The following NLRC4 variants were observed in gnomAD, a reference collection of about 807,000 sequenced individuals.
NLRC4 encodes the protein NLR family CARD domain containing 4.
In NLRC4, 63 loss-of-function variants were observed where a neutral mutation model predicts 79.9. That is an observed-to-expected ratio of 0.79 (90% CI 0.64 to 0.97). NLRC4 has a LOEUF of 0.97. Ranked by LOEUF, NLRC4 falls within the 50% of genes least tolerant of loss-of-function variation. NLRC4 has a pLI of 0.00. For synonymous variants in NLRC4, 461 were observed against 456.5 expected (o/e 1.01, Z -0.12); for missense variants, 1,074 against 1,215.2 (o/e 0.88, Z 1.73).
At chr2:32,254,296 T>C (rs1687153569) in intron 2 of NLRC4, among the ~76,000 whole-genome samples, 2 of 152,036 alleles carry the variant, frequency 1.3e-5, no homozygotes, top group Non-Finnish European at 2.9e-5. Flanking sequence ...CAATATATGT[T>C]AGCTACTATT....
intron 4 of NLRC4, among the ~76,000 whole-genome samples, chr2:32,247,914 C>A (rs987844655): frequency 6.7e-6 from 1 of 150,246 alleles, no homozygotes; most frequent in African/African-American, 2.5e-5. Flanking sequence ...AACTCAGAAA[C>A]AGAAAATCAA....
In NLRC4 at chr2:32,252,460, T is replaced by C. The variant is rs1426433626; in HGVS notation, c.221A>G (p.Lys74Arg). The C allele has an allele frequency of 6.2e-7, 1 of 1,611,068 alleles. No individual in the cohort carries two copies. The highest frequency in any genetic ancestry group is 8.5e-7 in the Non-Finnish European group (1 of 1,177,268). Residue 74 changes from lysine to arginine, a missense_variant, in exon 3 of 9, where the codon AAG becomes AGG. Transcript: ENST00000402280. ...CTGAAATAGAGGATAGTTCCACTCC[T>C]TAAGGGATTTAAGAAAGAGGTTACA... ...ESCNLFLKSL[K>R]EWNYPLFQDL...
At chr2:32,244,210 A>G (rs1686876437) in intron 4 of NLRC4, among the ~76,000 whole-genome samples, 1 of 152,180 alleles carries the variant, frequency 6.6e-6, no homozygotes, top group South Asian at 2.1e-4. Context: ...TGATCACGCC[A>G]CTGCACTCCA....
chr2:32,250,797 G>A lies in NLRC4; in HGVS notation c.1067C>T (p.Ser356Phe). The change falls in exon 4 of 9, where the codon TCT (serine) becomes TTT (phenylalanine). Residue 356 changes from serine to phenylalanine, a missense_variant. Coordinates refer to ENST00000402280, the MANE Select transcript of NLRC4 (RefSeq NM_001199138.2). The surrounding 1 kb of genome is among the most constrained non-coding windows in gnomAD (Gnocchi z 4.9). The part of the protein sequence containing the change: ...AIQMGESEFH[S>F]HTQTTLFHTF... ...ATGGAACAGCGTTGTTTGTGTGTGA[G>A]AGTGGAACTCACTTTCACCCATCTG... 6.2e-7 allele frequency: 1 copy of A among 1,613,954 alleles called. No homozygotes were observed.
At position 32,251,422 on chromosome 2, in the gene NLRC4, G is replaced by A. The variant is rs774744413; in HGVS notation, c.442C>T (p.Arg148Cys). The A allele has an allele frequency of 2.5e-6, 4 of 1,614,106 alleles. No homozygotes were observed. In the Admixed American group the frequency reaches 5.0e-5, roughly 20 times the overall value. Residue 148 changes from arginine (R) to cysteine (C), a missense_variant, in exon 4 of 9, where the codon CGC becomes TGC. Transcript: ENST00000402280. ...VLWRKDQHHH[R>C]VEQLTLNGLL... ...CCATTCAGGGTCAGCTGCTCCACGC[G>A]GTGATGGTGTTGGTCCTTCCTCCAC...
chr2:32,249,699 C>T lies in NLRC4; in HGVS notation c.2165G>A (p.Ser722Asn). ...KNIYSLMVEA[S>N]PLTIEDERHI... The stretch of plus-strand genomic sequence containing the variant: ...CCTCTCATCTTCTATGGTGAGGGGA[C>T]TGGCTTCCACCATGAGAGAATAAAT... The change falls in exon 4 of 9, where the codon AGT (serine) becomes AAT (asparagine). Residue 722 changes from serine to asparagine, a missense_variant. Transcript: ENST00000402280. 1 of 1,614,064 alleles carries T rather than the reference C, an allele frequency of 6.2e-7. No homozygotes were observed. The highest frequency in any genetic ancestry group is 8.5e-7 in the Non-Finnish European group (1 of 1,179,918).
chr2:32,260,306 G>T (rs944252689), intron 1 of NLRC4, among the ~76,000 whole-genome samples: 1 of 151,520 alleles, frequency 6.6e-6, no homozygotes, highest in East Asian at 1.9e-4. Flanking sequence ...TCAGATTGGG[G>T]CTATCATAAA....
intron 1 of NLRC4, among the ~76,000 whole-genome samples, chr2:32,260,913 C>T (rs1423032344): frequency 6.6e-6 from 1 of 152,148 alleles, no homozygotes; most frequent in Admixed American, 6.6e-5. Context: ...CATGCATTGG[C>T]TGGGTGCAGT....
At chr2:32,253,299 A>T (rs1471799092) in intron 2 of NLRC4, among the ~76,000 whole-genome samples, 1 of 151,632 alleles carries the variant, frequency 6.6e-6, no homozygotes, top group Non-Finnish European at 1.5e-5. Context: ...ACAGGCACGC[A>T]CCACCACACT....
intron 8 of NLRC4, among the ~76,000 whole-genome samples, chr2:32,233,413 A>G (rs2148932720): frequency 7.1e-6 from 1 of 140,972 alleles, no homozygotes; most frequent in African/African-American, 2.7e-5. Flanking sequence ...GCTGGTTTCA[A>G]ACTTCTGGGC....
intron 8 of NLRC4, 46 bp from the exon 9 acceptor site, chr2:32,224,811 A>T (rs555067193): frequency 7.5e-4 from 812 of 1,077,812 alleles, no homozygotes; most frequent in Middle Eastern, 2.6e-3. Flanking sequence ...AATTTTTTTT[A>T]AAAAAAAAGA....
chr2:32,261,499 A>G (rs1558464213), intron 1 of NLRC4, among the ~76,000 whole-genome samples: 2 of 148,028 alleles, frequency 1.4e-5, no homozygotes, highest in South Asian at 4.3e-4. Flanking sequence ...TTTAGTAGAG[A>G]TGGGGTTTCA....
intron 5 of NLRC4, 143 bp downstream of exon 5, chr2:32,240,890 G>A: frequency 1.7e-6 from 1 of 586,132 alleles, no homozygotes; most frequent in Non-Finnish European, 3.0e-6. Context: ...TGGCAGTAGG[G>A]AAAATGTCTG....
At chr2:32,262,765 G>T (rs930240437) in intron 1 of NLRC4, among the ~76,000 whole-genome samples, 1 of 151,026 alleles carries the variant, frequency 6.6e-6, no homozygotes, top group Non-Finnish European at 1.5e-5. Context: ...GACAGAGAGA[G>T]ACTCTGTCTC....
rs1573480813 is a variant in NLRC4, at chr2:32,241,106, C to T, written c.2277G>A (p.Leu759=). Residue 759 remains leucine, a synonymous_variant, in exon 5 of 9, where the codon TTG becomes TTA. Transcript: ENST00000402280. The part of the protein sequence containing the change: ...QRLPGGLTDS[L]GNLKNLTKLI... ...GCTTTGTAAGGTTCTTCAAGTTACC[C>T]AAGCTGTCAGTCAGACCACCTGTCA... 6.2e-7 allele frequency: 1 copy of T among 1,606,608 alleles called. No homozygotes were observed. Among genetic ancestry groups the T allele is most frequent in the South Asian group, 1.1e-5 (1 of 90,156 alleles).
At chr2:32,245,478 G>A (rs190818839) in intron 4 of NLRC4, among the ~76,000 whole-genome samples, 1 of 152,120 alleles carries the variant, frequency 6.6e-6, no homozygotes, top group East Asian at 1.9e-4. Context: ...AGGCTGGGAA[G>A]GGTAGTAGGG....
At chr2:32,252,972 A>C (rs1435820376) in intron 2 of NLRC4, among the ~76,000 whole-genome samples, 1 of 151,816 alleles carries the variant, frequency 6.6e-6, no homozygotes, top group Non-Finnish European at 1.5e-5. Flanking sequence ...GAGCTGAGAT[A>C]GCGCCACTGC....
rs1344744186 is a variant in NLRC4, at chr2:32,241,086, G to T, written c.2297C>A (p.Thr766Lys). ...TDSLGNLKNL[T>K]KLIMDNIKMN... ...CTTTATGTTATCCATTATGAGCTTT[G>T]TAAGGTTCTTCAAGTTACCCAAGCT... The change falls in exon 5 of 9, where the codon ACA becomes AAA. Residue 766 changes from threonine to lysine, a missense_variant. Physicochemically the swap from Thr to Lys is moderately conservative, Grantham distance 78. Coordinates refer to ENST00000402280, the MANE Select transcript of NLRC4 (RefSeq NM_001199138.2). The T allele has an allele frequency of 6.2e-7, 1 of 1,610,048 alleles. No individual in the cohort carries two copies. Among genetic ancestry groups the T allele is most frequent in the South Asian group, 1.1e-5 (1 of 90,584 alleles).
chr2:32,247,498 G>A (rs964352379), intron 4 of NLRC4, among the ~76,000 whole-genome samples: 1 of 151,450 alleles, frequency 6.6e-6, no homozygotes, highest in Non-Finnish European at 1.5e-5. Flanking sequence ...ATTTTTAGTA[G>A]AGATGGGGTT....
Sources: gnomAD v4.1 joint callset for allele counts (sites outside exome capture counted in the v4.1 genomes callset) on GRCh38, gnomAD v4.1.1 for gene constraint, Gnocchi (gnomAD v3.1) non-coding constraint, MANE v1.5 for transcripts, NCBI Gene and HGNC (gene_info 2026-07-23, HGNC 2026-07-21) for gene names.